The following FHIT variants were observed in gnomAD, a reference collection of about 807,000 sequenced individuals.
The protein encoded by FHIT is fragile histidine triad diadenosine triphosphatase.
Under a neutral mutation model 17.9 loss-of-function variants are expected in FHIT, and 19 were observed. The observed-to-expected ratio is 1.06, with a 90% CI of 0.74 to 1.56. FHIT has a LOEUF of 1.56. Among genes scored for constraint, FHIT ranks in the 40% most tolerant of loss-of-function variants. The pLI is 0.00. For synonymous variants in FHIT, 81 were observed against 69.7 expected, an observed-to-expected ratio of 1.16 and a Z score of -0.81; for missense variants, 248 against 189.2, an observed-to-expected ratio of 1.31 and a Z score of -1.82.
chr3:60,527,601 C>T (rs896878473), intron 5 of FHIT, among the ~76,000 whole-genome samples: 3 of 152,136 alleles, frequency 2.0e-5, no homozygotes, highest in East Asian at 3.9e-4. Flanking sequence ...AGGCTTAAAC[C>T]TTCTAGACTT....
In FHIT at chr3:60,739,194, C is replaced by T. The variant is rs192021174; in HGVS notation, c.-18+82725G>A. ...AAACCCCTGCATGCATCCTTCAAGC[C>T]TGTGTGTGACCCAATTCTTCTAGGA... On this transcript the variant is annotated intron_variant, in intron 4 of 9. Coordinates refer to ENST00000492590, the MANE Select transcript of FHIT (RefSeq NM_002012.4). Among the ~76,000 whole-genome samples the T allele has an allele frequency of 1.3e-4, 20 of 152,326 alleles. No individual in the cohort carries two copies. The East Asian group carries it at 2.7e-3, about 21-fold the overall frequency.
intron 4 of FHIT, among the ~76,000 whole-genome samples, chr3:60,739,923 G>A (rs2042209427): frequency 6.6e-6 from 1 of 152,180 alleles, no homozygotes. Flanking sequence ...CTCCTGAGAA[G>A]CTCACAAGTT....
At chr3:60,060,946 A>G (rs1702271155) in intron 5 of FHIT, among the ~76,000 whole-genome samples, 1 of 152,206 alleles carries the variant, frequency 6.6e-6, no homozygotes, top group Non-Finnish European at 1.5e-5. Context: ...TGAAGGAGCT[A>G]AGATCTAGAT....
intron 8 of FHIT, among the ~76,000 whole-genome samples, chr3:59,893,036 T>C (rs1408087874): frequency 6.6e-6 from 1 of 152,236 alleles, no homozygotes; most frequent in Non-Finnish European, 1.5e-5. Context: ...TTTAAAACTA[T>C]ATCTAAAAAA....
chr3:60,142,424 T>C (rs1274701616), intron 5 of FHIT, among the ~76,000 whole-genome samples: 6 of 152,182 alleles, frequency 3.9e-5, no homozygotes, highest in Admixed American at 3.3e-4. Flanking sequence ...GGTAGTAAAT[T>C]GTTGCTTAAA....
intron 4 of FHIT, among the ~76,000 whole-genome samples, chr3:60,642,963 CT>C (rs1208681468): frequency 3.3e-5 from 5 of 152,204 alleles, no homozygotes; most frequent in African/African-American, 1.2e-4. Flanking sequence ...GCATCTGGAA[CT>C]TTTCCTTCAT....
intron 8 of FHIT, among the ~76,000 whole-genome samples, chr3:59,786,844 C>T (rs556751649): frequency 2.0e-5 from 3 of 152,360 alleles, no homozygotes; most frequent in African/African-American, 7.2e-5. Flanking sequence ...GTGGCTGCTG[C>T]TGCGAACACC....
intron 2 of FHIT, among the ~76,000 whole-genome samples, chr3:61,092,414 C>T (rs1040154153): frequency 6.6e-6 from 1 of 152,020 alleles, no homozygotes; most frequent in Non-Finnish European, 1.5e-5. Context: ...TCTTTTAATA[C>T]ATGTTTTTAA....
chr3:60,842,656 T>A (rs1422851868), intron 3 of FHIT, among the ~76,000 whole-genome samples: 23 of 140,564 alleles, frequency 1.6e-4, no homozygotes, highest in African/African-American at 5.8e-4. Context: ...TTTTTTTTTT[T>A]TTTTTTTTCC....
rs193206481 is a variant in FHIT, at chr3:61,002,313, G to C, written c.-111+39734C>G. 2.0e-5 allele frequency among the ~76,000 whole-genome samples: 3 copies of C among 152,242 alleles called. No homozygotes were observed. The East Asian group carries it at 5.8e-4, about 29-fold the overall frequency. ...AGGTCTTGCTCTGTCACACAAGCTG[G>C]AGTGCAGTGGCCCAAGCACAGTTTA... On this transcript the variant is annotated intron_variant, in intron 3 of 9. Coordinates refer to ENST00000492590, the MANE Select transcript of FHIT (RefSeq NM_002012.4).
At chr3:60,287,234 T>C (rs533461600) in intron 5 of FHIT, among the ~76,000 whole-genome samples, 1 of 152,272 alleles carries the variant, frequency 6.6e-6, no homozygotes, top group East Asian at 1.9e-4. Context: ...AGTGGCAAGA[T>C]CTTGCCTCAC....
chr3:60,446,145 A>G (rs760201423), intron 5 of FHIT, among the ~76,000 whole-genome samples: 6 of 152,148 alleles, frequency 3.9e-5, no homozygotes, highest in Non-Finnish European at 8.8e-5. Flanking sequence ...TCCTGGCATT[A>G]CTGGGAGAAC....
At chr3:59,774,966 T>C (rs1702237601) in intron 8 of FHIT, among the ~76,000 whole-genome samples, 1 of 152,188 alleles carries the variant, frequency 6.6e-6, no homozygotes, top group African/African-American at 2.4e-5. Context: ...TGCCGGAGCT[T>C]AGGCTTCATC....
chr3:60,575,900 C>T (rs1424097472), intron 4 of FHIT, among the ~76,000 whole-genome samples: 2 of 152,130 alleles, frequency 1.3e-5, no homozygotes, highest in East Asian at 1.9e-4. Context: ...AAGGGCAAAA[C>T]AGCATTACTC....
At chr3:60,040,631 GGAGGGCTTCAA>G (rs1309323956) in intron 5 of FHIT, among the ~76,000 whole-genome samples, 2 of 152,074 alleles carry the variant, frequency 1.3e-5, no homozygotes, top group African/African-American at 2.4e-5. Context: ...AAATTGGTTC[GGAGGGCTTCAA>G]GAGAACTGCG....
At chr3:60,286,578 A>AT (rs1227851931) in intron 5 of FHIT, among the ~76,000 whole-genome samples, 2 of 152,160 alleles carry the variant, frequency 1.3e-5, no homozygotes, top group African/African-American at 4.8e-5. Flanking sequence ...AAGTTTAAAC[A>AT]TTTTTTATCT....
chr3:60,015,166 T>C (rs1700295169), intron 5 of FHIT, among the ~76,000 whole-genome samples: 1 of 152,282 alleles, frequency 6.6e-6, no homozygotes, highest in South Asian at 2.1e-4. Flanking sequence ...AGGGGCATAA[T>C]AAAACCATAA....
Position 61,103,593 on chromosome 3 carries a change from A to C in FHIT, c.-163-61494T>G, listed in dbSNP as rs572463906. On this transcript the variant is annotated intron_variant, in intron 2 of 9. Transcript: ENST00000492590. ...GTCTGCTTGTTGCAGAGCTGAGTTC[A>C]GGTCCTGGATATCCTTGTTAACCTT... is the stretch of plus-strand genomic sequence containing the variant. 4.4e-3 allele frequency among the ~76,000 whole-genome samples: 665 copies of C among 152,310 alleles called. 2 individuals carry two copies. The highest frequency in any genetic ancestry group is 5.9e-3 in the Non-Finnish European group (404 of 68,028).
intron 5 of FHIT, among the ~76,000 whole-genome samples, chr3:60,498,333 A>G (rs894540140): frequency 6.6e-6 from 1 of 152,234 alleles, no homozygotes; most frequent in African/African-American, 2.4e-5. Flanking sequence ...CATTTGTTAC[A>G]TTTATAGCAT....
Sources: gnomAD v4.1 joint callset for allele counts (sites outside exome capture counted in the v4.1 genomes callset) on GRCh38, gnomAD v4.1.1 for gene constraint, MANE v1.5 for transcripts, NCBI Gene and HGNC (gene_info 2026-07-23, HGNC 2026-07-21) for gene names.